ANKDD1A: variants seen among roughly 807,000 people sequenced by gnomAD.
ANKDD1A encodes the protein ankyrin repeat and death domain containing 1A.
Under a neutral mutation model 63.5 loss-of-function variants are expected in ANKDD1A, and 59 were observed. The observed-to-expected ratio is 0.93, with a 90% CI of 0.75 to 1.15. The LOEUF is 1.15. Ranked by LOEUF, ANKDD1A falls within the 50% of genes most tolerant of loss-of-function variation. The pLI is 0.00. For missense variants in ANKDD1A, 632 were observed against 656.4 expected, an observed-to-expected ratio of 0.96 and a Z score of 0.41; for synonymous variants, 266 against 263.9, an observed-to-expected ratio of 1.01 and a Z score of -0.08.
chr15:64,950,129 C>G lies in ANKDD1A; in HGVS notation c.1483+157C>G, dbSNP rs984174545. ...TAGCCCTGCCCTCTTTTCCCTTGGG[C>G]AAACTACAGTGCCTCCTGGCCCTGG... is the stretch of plus-strand genomic sequence containing the variant. On this transcript the variant is annotated intron_variant, in intron 14 of 14. Transcript: ENST00000319580. 6.1e-6 allele frequency: 6 copies of G among 985,328 alleles called. No individual in the cohort carries two copies. The African/African-American group carries it at 1.0e-4, about 17-fold the overall frequency. 61.0% of individuals were successfully genotyped at this position (985,328 alleles called of 1,614,324 possible). A position where few individuals can be genotyped will look rare whatever the true frequency, so the allele number is the denominator to read the frequency against.
intron 3 of ANKDD1A, among the ~76,000 whole-genome samples, chr15:64,918,562 G>A (rs1419878621): frequency 6.6e-6 from 1 of 152,140 alleles, no homozygotes; most frequent in African/African-American, 2.4e-5. Flanking sequence ...TACCCACAGA[G>A]ACCCCCACTA....
chr15:64,929,542 C>T (rs1031557388), intron 6 of ANKDD1A, among the ~76,000 whole-genome samples: 13 of 152,072 alleles, frequency 8.5e-5, no homozygotes, highest in East Asian at 3.9e-4. Context: ...AAGTACGTTG[C>T]GCCCTCTGCC....
chr15:64,916,430 A>C (rs2084969187), intron 2 of ANKDD1A, among the ~76,000 whole-genome samples: 1 of 150,020 alleles, frequency 6.7e-6, no homozygotes, highest in African/African-American at 2.5e-5. Context: ...GGCTCAGTTG[A>C]TCCTCCCATC....
intron 14 of ANKDD1A, among the ~76,000 whole-genome samples, chr15:64,954,016 TTC>T (rs2085370201): frequency 1.1e-5 from 1 of 88,722 alleles, no homozygotes; most frequent in Non-Finnish European, 2.3e-5. Context: ...TCTTCCTTCT[TTC>T]CTCTTCTTTT....
At chr15:64,950,794 G>C in intron 14 of ANKDD1A, 12 of 1,005,502 alleles carry the variant, frequency 1.2e-5, no homozygotes, top group Non-Finnish European at 1.4e-5. Context: ...CTCATTTCAG[G>C]GTAGAGAGAT....
At position 64,953,655 on chromosome 15, in the gene ANKDD1A, TC is replaced by T. The variant is rs2085353719; in HGVS notation, c.1484-3447del. Among the ~76,000 whole-genome samples, 5 of 35,608 alleles carry T rather than the reference TC, an allele frequency of 1.4e-4. 1 individual carries two copies. Among genetic ancestry groups the T allele is most frequent in the Non-Finnish European group, 4.0e-4 (4 of 9,950 alleles). 23.4% of individuals were successfully genotyped at this position (35,608 alleles called of 152,430 possible). On this transcript the variant is annotated intron_variant, in intron 14 of 14. Coordinates refer to ENST00000319580, the MANE Select transcript of ANKDD1A (RefSeq NM_182703.6). ...CCTTCTTCTTCCTCTTCCTTCTCCT[TC>T]TTTTCTTTCTTCTCCTTCTTTTCTT... is the stretch of plus-strand genomic sequence containing the variant.
intron 9 of ANKDD1A, among the ~76,000 whole-genome samples, chr15:64,939,298 C>G (rs1016498288): frequency 2.6e-5 from 4 of 151,904 alleles, no homozygotes; most frequent in African/African-American, 4.8e-5. Context: ...GATCCTGTCT[C>G]AAAACAAAAA....
At chr15:64,954,048 C>A (rs1323436404) in intron 14 of ANKDD1A, among the ~76,000 whole-genome samples, 1 of 62,240 alleles carries the variant, frequency 1.6e-5, no homozygotes, top group Non-Finnish European at 3.3e-5. Context: ...TCCTCTTCTT[C>A]TTTTCTCCTT....
In ANKDD1A at chr15:64,947,368, G is replaced by T. The variant is rs1464550306; in HGVS notation, c.1162-36G>T. 4.4e-6 allele frequency: 7 copies of T among 1,595,022 alleles called. 1 individual carries two copies. The South Asian group carries it at 7.8e-5, about 18-fold the overall frequency. ...GCACTGCCCCTGTCTGGGATCATGA[G>T]GGAGAGCTTCTGCACTTTTGGGATC... is the stretch of plus-strand genomic sequence containing the variant. On this transcript the variant is annotated intron_variant, in intron 12 of 14. Coordinates refer to ENST00000319580, the MANE Select transcript of ANKDD1A (RefSeq NM_182703.6).
At chr15:64,940,963 G>A (rs1236980681) in intron 9 of ANKDD1A, among the ~76,000 whole-genome samples, 1 of 151,958 alleles carries the variant, frequency 6.6e-6, no homozygotes, top group Non-Finnish European at 1.5e-5. Flanking sequence ...GGCTGATCTC[G>A]AACTCCTGGG....
At chr15:64,952,209 CTTT>C (rs1239831959) in intron 14 of ANKDD1A, among the ~76,000 whole-genome samples, 3 of 147,238 alleles carry the variant, frequency 2.0e-5, no homozygotes, top group Non-Finnish European at 4.5e-5. Flanking sequence ...CTTCTTTCCT[CTTT>C]CTTCTTCTTC....
At chr15:64,950,242 C>T in intron 14 of ANKDD1A, 1 of 985,448 alleles carries the variant, frequency 1.0e-6, no homozygotes, top group Non-Finnish European at 1.2e-6. Flanking sequence ...TCCATAATCT[C>T]TTCCTTACCA....
intron 1 of ANKDD1A, chr15:64,913,949 G>A (rs2084950968): frequency 6.6e-6 from 1 of 151,918 alleles, no homozygotes; most frequent in South Asian, 2.1e-4. Flanking sequence ...TCTGGGGATT[G>A]TTGGTGTCAC....
intron 3 of ANKDD1A, 34 bp from the exon 4 acceptor site, chr15:64,921,887 A>T (rs1222704641): frequency 6.2e-7 from 1 of 1,601,888 alleles, no homozygotes; most frequent in African/African-American, 1.3e-5. Flanking sequence ...GCCTTCCCAC[A>T]TTCTTCTCAC....
chr15:64,926,013 T>C lies in ANKDD1A; in HGVS notation c.367-53T>C, dbSNP rs546164052. 4 of 1,527,668 alleles carry C rather than the reference T, an allele frequency of 2.6e-6. No individual in the cohort carries two copies. In the Admixed American group the frequency reaches 5.6e-5, roughly 22 times the overall value. 94.6% of individuals were successfully genotyped at this position (1,527,668 alleles called of 1,614,324 possible). On this transcript the variant is annotated intron_variant, in intron 4 of 14. Transcript: ENST00000319580. ...CGCTGTTTGGGAGACTGGCAGTGTG[T>C]GAAAAGGGCCTCCCTTCACAGACTG...
rs145050267 is a variant in ANKDD1A at position 64,926,968 on chromosome 15, G to A, written c.539G>A (p.Gly180Asp). ...GQLDALDFLV[G>D]SGCDHNVKDK... Reference sequence around the variant, plus strand: ...CTGGATGCTCTGGACTTCCTCGTGGGCTCTGGCTGTGACCACAATGTCAAA... The same window carrying A: ...CTGGATGCTCTGGACTTCCTCGTGGACTCTGGCTGTGACCACAATGTCAAA... Residue 180 changes from glycine (G) to aspartate (D), a missense_variant, in exon 6 of 15, where the codon GGC becomes GAC. Physicochemically the swap from Gly to Asp is moderately conservative, Grantham distance 94. Transcript: ENST00000319580. 1.5e-4 allele frequency: 250 copies of A among 1,614,152 alleles called. No homozygotes were observed. In the African/African-American group the frequency reaches 3.1e-3, roughly 20 times the overall value.
chr15:64,955,675 G>A (rs781386149), intron 14 of ANKDD1A, among the ~76,000 whole-genome samples: 6 of 152,144 alleles, frequency 3.9e-5, no homozygotes, highest in Non-Finnish European at 7.4e-5. Context: ...TGGCGTTTAG[G>A]AGCCTACATT....
At chr15:64,947,072 A>G (rs1164271181) in intron 12 of ANKDD1A, among the ~76,000 whole-genome samples, 1 of 152,194 alleles carries the variant, frequency 6.6e-6, no homozygotes, top group East Asian at 1.9e-4. Flanking sequence ...GAACACAGGA[A>G]AGAGAGGCAG....
intron 6 of ANKDD1A, among the ~76,000 whole-genome samples, chr15:64,928,509 C>A (rs181576508): frequency 6.6e-6 from 1 of 152,198 alleles, no homozygotes; most frequent in African/African-American, 2.4e-5. Flanking sequence ...TTGCATACCC[C>A]TGTTAAGTTT....
Sources: allele counts gnomAD v4.1 joint callset (sites outside exome capture counted in the v4.1 genomes callset), GRCh38; gene constraint gnomAD v4.1.1; transcripts MANE v1.5; gene names NCBI Gene and HGNC (gene_info 2026-07-23, HGNC 2026-07-21).